HMGCLL1: variants seen among roughly 807,000 people sequenced by gnomAD.
HMGCLL1 encodes the protein 3-hydroxy-3-methylglutaryl-CoA lyase like 1, also known as 3-hydroxymethyl-3-methylglutaryl-CoA lyase, cytoplasmic.
HMGCLL1 carries 36 observed loss-of-function variants against 39.1 expected under a neutral mutation model. That is an observed-to-expected ratio of 0.92 (90% confidence interval 0.71 to 1.22). The LOEUF is 1.22. Among genes scored for constraint, HMGCLL1 ranks in the 50% most tolerant of loss-of-function variants. HMGCLL1 has a pLI of 0.00. For synonymous variants in HMGCLL1, 149 were observed against 144.0 expected (o/e 1.03, Z -0.25); for missense variants, 451 against 416.5 (o/e 1.08, Z -0.72).
chr6:55,626,230 T>G, the HMGCLL1 span, among the ~76,000 whole-genome samples: 1 of 152,036 alleles, frequency 6.6e-6, no homozygotes, highest in Admixed American at 6.6e-5. Context: ...CAGATATGGG[T>G]TTCCCTATCC....
rs1481222527 is a variant in HMGCLL1, at chr6:55,579,159, G to A, written c.-104C>T. The A allele has an allele frequency of 2.4e-6, 2 of 839,284 alleles. No homozygotes were observed. The highest frequency in any genetic ancestry group is 1.7e-5 in the African/African-American group (1 of 59,708). 52.0% of individuals were successfully genotyped at this position (839,284 alleles called of 1,614,324 possible). A position where few individuals can be genotyped will look rare whatever the true frequency, so the allele number is the denominator to read the frequency against. ...CGCCAGCTCGGGAGCGCGCCCCTCCGGTGCACTGGCTGTGAGGACCAGAGC... is the reference window on the plus strand; with the variant it reads ...CGCCAGCTCGGGAGCGCGCCCCTCCAGTGCACTGGCTGTGAGGACCAGAGC... On this transcript the variant is annotated 5_prime_UTR_variant, in exon 1 of 9. Coordinates refer to ENST00000274901, the MANE Select transcript of HMGCLL1 (RefSeq NM_001042406.2).
At chr6:55,629,099 G>A in the HMGCLL1 span, among the ~76,000 whole-genome samples, 1 of 152,122 alleles carries the variant, frequency 6.6e-6, no homozygotes, top group Admixed American at 6.6e-5. Flanking sequence ...CAGTTTGGAG[G>A]GCTCAGAAGA....
the HMGCLL1 span, among the ~76,000 whole-genome samples, chr6:55,603,752 C>A: frequency 6.6e-6 from 1 of 152,024 alleles, no homozygotes; most frequent in African/African-American, 2.4e-5. Context: ...TCTGAAAAAA[C>A]CAAAGTTATA....
intron 4 of HMGCLL1, among the ~76,000 whole-genome samples, chr6:55,515,966 T>C (rs1430875449): frequency 6.6e-6 from 1 of 152,034 alleles, no homozygotes; most frequent in Non-Finnish European, 1.5e-5. Context: ...TAGTCTCATA[T>C]GTATAATTAT....
intron 3 of HMGCLL1, among the ~76,000 whole-genome samples, chr6:55,537,480 C>A (rs1769100155): frequency 6.6e-6 from 1 of 152,158 alleles, no homozygotes; most frequent in South Asian, 2.1e-4. Context: ...ATACTTTAAT[C>A]TTCAGAATAA....
intron 1 of HMGCLL1, among the ~76,000 whole-genome samples, chr6:55,546,299 G>C (rs773190174): frequency 6.6e-6 from 1 of 152,056 alleles, no homozygotes; most frequent in Non-Finnish European, 1.5e-5. Context: ...ATGGAATTAA[G>C]TTATTTCATT....
At chr6:55,646,278 C>T in the HMGCLL1 span, among the ~76,000 whole-genome samples, 157 of 151,656 alleles carry the variant, frequency 1.0e-3, no homozygotes, top group African/African-American at 3.6e-3. Context: ...TTTGGGTCTT[C>T]TTTTTTCTTT....
intron 7 of HMGCLL1, among the ~76,000 whole-genome samples, chr6:55,448,372 A>G (rs1421524137): frequency 2.0e-5 from 3 of 150,340 alleles, no homozygotes; most frequent in Non-Finnish European, 3.0e-5. Flanking sequence ...ACAAAAATAC[A>G]TAATATGAAA....
the HMGCLL1 span, among the ~76,000 whole-genome samples, chr6:55,656,272 G>C: frequency 6.6e-6 from 1 of 151,872 alleles, no homozygotes; most frequent in African/African-American, 2.4e-5. Context: ...CTAACCCTAA[G>C]TTTCTCCAGG....
intron 1 of HMGCLL1, among the ~76,000 whole-genome samples, chr6:55,575,334 A>G (rs887893532): frequency 6.6e-6 from 1 of 152,078 alleles, no homozygotes; most frequent in East Asian, 1.9e-4. Context: ...ATTCATATTT[A>G]TTCTTTTTAT....
At chr6:55,533,652 C>T (rs1358753741) in intron 3 of HMGCLL1, among the ~76,000 whole-genome samples, 3 of 151,576 alleles carry the variant, frequency 2.0e-5, no homozygotes, top group African/African-American at 7.3e-5. Flanking sequence ...TTTGGGAGGC[C>T]GAGGCGGGCG....
At chr6:55,553,408 A>C (rs946315988) in intron 1 of HMGCLL1, among the ~76,000 whole-genome samples, 12 of 152,066 alleles carry the variant, frequency 7.9e-5, no homozygotes, top group African/African-American at 2.6e-4. Context: ...ACCAAACTCC[A>C]GCCTGGGTGA....
chr6:55,642,588 C>T, the HMGCLL1 span, among the ~76,000 whole-genome samples: 1 of 152,012 alleles, frequency 6.6e-6, no homozygotes, highest in Non-Finnish European at 1.5e-5. Flanking sequence ...AGCATTTATC[C>T]TTTGTGTTAC....
the HMGCLL1 span, among the ~76,000 whole-genome samples, chr6:55,660,527 TA>T: frequency 6.6e-6 from 1 of 152,000 alleles, no homozygotes; most frequent in Non-Finnish European, 1.5e-5. Flanking sequence ...TCCATCCATG[TA>T]CCTGCAAAAG....
chr6:55,538,127 C>T (rs1469939590), intron 3 of HMGCLL1, among the ~76,000 whole-genome samples: 1 of 151,990 alleles, frequency 6.6e-6, no homozygotes, highest in African/African-American at 2.4e-5. Context: ...TTTTAAAAAT[C>T]TATCATCAAT....
chr6:55,676,705 A>G, the HMGCLL1 span, among the ~76,000 whole-genome samples: 9 of 152,348 alleles, frequency 5.9e-5, no homozygotes, highest in East Asian at 1.5e-3. Context: ...CTTGAAACAA[A>G]CACTGCAATA....
At chr6:55,516,683 A>G (rs774412234) in intron 3 of HMGCLL1, 80 bp from the exon 4 acceptor site, 3 of 873,984 alleles carry the variant, frequency 3.4e-6, no homozygotes, top group Non-Finnish European at 1.9e-6. Context: ...GGTAGGTTAT[A>G]GTTACATGGA....
chr6:55,667,045 G>A, the HMGCLL1 span, among the ~76,000 whole-genome samples: 1 of 151,470 alleles, frequency 6.6e-6, no homozygotes, highest in Non-Finnish European at 1.5e-5. Context: ...ACTTTGAAGA[G>A]CATTGTATCT....
At chr6:55,566,317 C>T (rs1195332610) in intron 1 of HMGCLL1, among the ~76,000 whole-genome samples, 3 of 152,220 alleles carry the variant, frequency 2.0e-5, no homozygotes, top group African/African-American at 7.2e-5. Context: ...GCTTCCTAGA[C>T]CCTATTGCTT....
Sources: allele counts gnomAD v4.1 joint callset (sites outside exome capture counted in the v4.1 genomes callset), GRCh38; gene constraint gnomAD v4.1.1; transcripts MANE v1.5; gene names NCBI Gene and HGNC (gene_info 2026-07-23, HGNC 2026-07-21).